The following ARHGEF33 variants were observed in gnomAD, a reference collection of about 807,000 sequenced individuals.
ARHGEF33 encodes the protein Rho guanine nucleotide exchange factor 33, also known as DH and coiled-coil domain-containing protein ENSP00000381780.
In ARHGEF33, 72 loss-of-function variants were observed where a neutral mutation model predicts 101.9. The ratio of observed to expected loss-of-function variants is 0.71; its 90% CI spans 0.58 to 0.86. The LOEUF (loss-of-function observed/expected upper bound fraction) is 0.86, where lower values mean the gene tolerates loss of function less well. Among genes scored for constraint, ARHGEF33 ranks in the 40% least tolerant of loss-of-function variants. ARHGEF33 has a pLI of 0.00. For synonymous variants in ARHGEF33, 499 were observed against 442.5 expected (o/e 1.13, Z -1.60); for missense variants, 1,169 against 1,111.3 (o/e 1.05, Z -0.74).
chr2:38,941,435 T>C (rs989622975), intron 9 of ARHGEF33, among the ~76,000 whole-genome samples: 1 of 152,252 alleles, frequency 6.6e-6, no homozygotes, highest in African/African-American at 2.4e-5. Flanking sequence ...AGACATCTTT[T>C]TTCCTCATGA....
At chr2:38,945,443 C>A (rs1156562826) in intron 10 of ARHGEF33, among the ~76,000 whole-genome samples, 1 of 152,232 alleles carries the variant, frequency 6.6e-6, no homozygotes. Context: ...GCTAAGGTGA[C>A]CCAGCTAAAG....
chr2:38,934,822 G>T (rs1045180197), intron 7 of ARHGEF33, among the ~76,000 whole-genome samples: 2 of 152,040 alleles, frequency 1.3e-5, no homozygotes, highest in Admixed American at 6.6e-5. Flanking sequence ...ATGTTAGAGA[G>T]TGATGAGTTA....
intron 2 of ARHGEF33, among the ~76,000 whole-genome samples, chr2:38,903,841 G>T (rs1666327780): frequency 6.6e-6 from 1 of 152,086 alleles, no homozygotes; most frequent in South Asian, 2.1e-4. Context: ...ATTTTTAGAT[G>T]CGAGAACACC....
Position 38,968,077 on chromosome 2 carries a change from C to T in ARHGEF33, c.2483+1932C>T, listed in dbSNP as rs912060242. ...AATAGATTCACCACTGGTCCCTTTA[C>T]TAATTCCTATTTATCAGAGAGATGT... On this transcript the variant is annotated intron_variant, in intron 17 of 17. Transcript: ENST00000409978. 1.1e-4 allele frequency among the ~76,000 whole-genome samples: 17 copies of T among 150,576 alleles called. No homozygotes were observed. The South Asian group carries it at 2.1e-3, about 19-fold the overall frequency.
rs1453109205 is a variant in ARHGEF33 at position 38,931,178 on chromosome 2, T to C, written c.432T>C (p.Ser144=). The part of the protein sequence containing the change: ...PAQAQGSPFR[S]INIPEPVLPS... ...AAGCACAAGGAAGTCCTTTTCGTTC[T>C]ATCAATATCCCTGAGCCTGTTCTTC... The change falls in exon 7 of 18, where the codon TCT becomes TCC. Residue 144 remains serine, a synonymous_variant. Transcript: ENST00000409978. 4 of 1,551,522 alleles carry C rather than the reference T, an allele frequency of 2.6e-6. No individual in the cohort carries two copies. The African/African-American group carries it at 4.1e-5, about 16-fold the overall frequency.
At chr2:38,904,512 GC>G (rs1397009428) in intron 2 of ARHGEF33, among the ~76,000 whole-genome samples, 2 of 151,970 alleles carry the variant, frequency 1.3e-5, no homozygotes, top group Non-Finnish European at 2.9e-5. Context: ...TCGAGAACAG[GC>G]TGGGCAACAT....
At chr2:38,954,324 C>T (rs769112385) in intron 12 of ARHGEF33, 49 bp from the exon 13 acceptor site, 9 of 1,160,232 alleles carry the variant, frequency 7.8e-6, no homozygotes, top group African/African-American at 1.5e-5. Context: ...GGTTCTGCTG[C>T]CACAGCTGGA....
intron 6 of ARHGEF33, among the ~76,000 whole-genome samples, chr2:38,930,153 AG>A (rs1182361626): frequency 6.6e-6 from 1 of 152,244 alleles, no homozygotes; most frequent in Non-Finnish European, 1.5e-5. Flanking sequence ...GTGTTAAGAT[AG>A]TGGCACCATC....
At chr2:38,893,474 CTTTTGACCGT>C (rs1666051462) in intron 1 of ARHGEF33, among the ~76,000 whole-genome samples, 1 of 152,146 alleles carries the variant, frequency 6.6e-6, no homozygotes. Flanking sequence ...TGGTGATCCC[CTTTTGACCGT>C]TTCTACATAT....
chr2:38,954,298 G>A (rs1397915011), intron 12 of ARHGEF33, 75 bp from the exon 13 acceptor site: 1 of 845,210 alleles, frequency 1.2e-6, no homozygotes, highest in Non-Finnish European at 2.0e-6. Flanking sequence ...TTCCTACCCT[G>A]GTGGGACTGA....
intron 1 of ARHGEF33, among the ~76,000 whole-genome samples, chr2:38,895,138 C>T (rs999212354): frequency 6.6e-6 from 1 of 152,164 alleles, no homozygotes; most frequent in African/African-American, 2.4e-5. Context: ...TTCACATCCA[C>T]ACTGTGAGGC....
chr2:38,960,734 A>G, intron 16 of ARHGEF33, 86 bp downstream of exon 16: 1 of 1,102,078 alleles, frequency 9.1e-7, no homozygotes, highest in Non-Finnish European at 1.1e-6. Context: ...CCTAGCGTGG[A>G]GAGGAGCGGG....
chr2:38,937,033 C>T lies in ARHGEF33; in HGVS notation c.566-302C>T, dbSNP rs112675000. 7.2e-3 allele frequency: 1,186 copies of T among 164,596 alleles called. 11 individuals carry two copies. The highest frequency in any genetic ancestry group is 0.048 in the Middle Eastern group (18 of 376). The allele number at this position is 164,596 out of a possible 1,614,324, so 10.2% of individuals were successfully genotyped here. On this transcript the variant is annotated intron_variant, in intron 8 of 17. Transcript: ENST00000409978. Reference sequence around the variant, plus strand: ...TTTTTGAGACAGAGTCCCACTCTGTCACCCAGGCTGGAGTGCAATGGGGCG... The same window carrying T: ...TTTTTGAGACAGAGTCCCACTCTGTTACCCAGGCTGGAGTGCAATGGGGCG...
chr2:38,897,340 T>TA (rs946523817), intron 2 of ARHGEF33, among the ~76,000 whole-genome samples: 16 of 152,170 alleles, frequency 1.1e-4, no homozygotes, highest in African/African-American at 2.2e-4. Context: ...TCCACTTAAA[T>TA]AAAAAAACAG....
At chr2:38,954,286 C>T in intron 12 of ARHGEF33, 87 bp from the exon 13 acceptor site, 4 of 765,224 alleles carry the variant, frequency 5.2e-6, no homozygotes, top group Non-Finnish European at 6.7e-6. Context: ...GGGAGGAAAC[C>T]CTTCCTACCC....
intron 2 of ARHGEF33, among the ~76,000 whole-genome samples, chr2:38,915,637 G>T (rs1369908531): frequency 6.6e-6 from 1 of 152,026 alleles, no homozygotes; most frequent in African/African-American, 2.4e-5. Flanking sequence ...CTCCCAAAGT[G>T]CTGGGATTAC....
chr2:38,912,020 A>G (rs966067578), intron 2 of ARHGEF33, among the ~76,000 whole-genome samples: 2 of 152,244 alleles, frequency 1.3e-5, no homozygotes, highest in African/African-American at 4.8e-5. Context: ...CACTCAAGAC[A>G]GACTCAAGAA....
chr2:38,900,763 C>T (rs954154398), intron 2 of ARHGEF33, among the ~76,000 whole-genome samples: 2 of 152,096 alleles, frequency 1.3e-5, no homozygotes, highest in Non-Finnish European at 2.9e-5. Flanking sequence ...GATTAAGGTC[C>T]CACAGACAGA....
intron 17 of ARHGEF33, chr2:38,969,664 G>C (rs1042033566): frequency 1.3e-5 from 2 of 157,704 alleles, no homozygotes; most frequent in African/African-American, 4.8e-5. Context: ...GTCCTGGGCA[G>C]ACACAAGGTC....
Sources: allele counts gnomAD v4.1 joint callset (sites outside exome capture counted in the v4.1 genomes callset), GRCh38; gene constraint gnomAD v4.1.1; transcripts MANE v1.5; gene names NCBI Gene and HGNC (gene_info 2026-07-23, HGNC 2026-07-21).